The following CPQ variants were observed in gnomAD, a reference collection of about 807,000 sequenced individuals.
CPQ encodes carboxypeptidase Q, also known as Ser-Met dipeptidase.
In CPQ, 37 loss-of-function variants were observed where a neutral mutation model predicts 45.7. The observed-to-expected ratio is 0.81, with a 90% CI of 0.62 to 1.07. The LOEUF (loss-of-function observed/expected upper bound fraction) is 1.07. Among genes scored for constraint, CPQ ranks in the 50% least tolerant of loss-of-function variants. The probability of loss-of-function intolerance (pLI) is 0.00; values close to 1 mark genes in which losing one functional copy is unlikely to be tolerated. For missense variants in CPQ, 537 were observed against 572.9 expected (o/e 0.94, Z 0.64); for synonymous variants, 186 against 205.8 (o/e 0.90, Z 0.82).
intron 7 of CPQ, among the ~76,000 whole-genome samples, chr8:97,099,935 A>G (rs1811275049): frequency 6.6e-6 from 1 of 152,210 alleles, no homozygotes; most frequent in Non-Finnish European, 1.5e-5. Flanking sequence ...AAGTGTGTTT[A>G]CTTGTCTAGT....
chr8:96,787,518 A>T (rs977385656), intron 2 of CPQ, among the ~76,000 whole-genome samples: 2 of 33,642 alleles, frequency 5.9e-5, no homozygotes, highest in Non-Finnish European at 7.0e-5. Context: ...TCATTTTCTT[A>T]TAATGTCTTT....
intron 4 of CPQ, among the ~76,000 whole-genome samples, chr8:96,960,920 C>T (rs887255799): frequency 6.6e-6 from 1 of 151,890 alleles, no homozygotes; most frequent in African/African-American, 2.4e-5. Context: ...TGTAATAGTC[C>T]ATTGTATGAC....
At position 96,679,764 on chromosome 8, in the gene CPQ, CT is replaced by C. The variant is rs545204090; in HGVS notation, c.-35+34373del. On this transcript the variant is annotated intron_variant, in intron 1 of 7. Transcript: ENST00000220763. ...TCTGTGGTACCAGTTGCAATGTCTCCTTTTTTTTTTTGTTTCTGATTTTATT... is the reference window on the plus strand; with the variant it reads ...TCTGTGGTACCAGTTGCAATGTCTCCTTTTTTTTTTGTTTCTGATTTTATT... 1.1e-3 allele frequency among the ~76,000 whole-genome samples: 151 copies of C among 142,964 alleles called. 1 individual carries two copies. Among genetic ancestry groups the C allele is most frequent in the Middle Eastern group, 3.6e-3 (1 of 280 alleles). 93.8% of individuals were successfully genotyped at this position (142,964 alleles called of 152,430 possible). A position where few individuals can be genotyped will look rare whatever the true frequency, so the allele number is the denominator to read the frequency against.
At chr8:96,683,514 A>G (rs896958604) in intron 1 of CPQ, among the ~76,000 whole-genome samples, 3 of 151,576 alleles carry the variant, frequency 2.0e-5, no homozygotes, top group Non-Finnish European at 2.9e-5. Context: ...ACCTTTTTGG[A>G]TTATGTCTAT....
intron 2 of CPQ, among the ~76,000 whole-genome samples, chr8:96,803,543 A>C (rs1811035348): frequency 6.6e-6 from 1 of 152,198 alleles, no homozygotes; most frequent in South Asian, 2.1e-4. Flanking sequence ...GAGAAAAAGA[A>C]GAGGGTTGTG....
chr8:96,661,838 T>A (rs773198698), intron 1 of CPQ, among the ~76,000 whole-genome samples: 2 of 152,234 alleles, frequency 1.3e-5, no homozygotes, highest in African/African-American at 4.8e-5. Context: ...GTTAAGAGTA[T>A]GTTTAGTTTT....
At chr8:96,812,954 C>T (rs1042825764) in intron 2 of CPQ, among the ~76,000 whole-genome samples, 1 of 151,618 alleles carries the variant, frequency 6.6e-6, no homozygotes, top group African/African-American at 2.4e-5. Context: ...TGGGTCCTCA[C>T]TCAAATACAG....
At chr8:96,995,036 G>T (rs1185458899) in intron 5 of CPQ, among the ~76,000 whole-genome samples, 1 of 151,934 alleles carries the variant, frequency 6.6e-6, no homozygotes, top group East Asian at 1.9e-4. Context: ...AGAGGTTGAA[G>T]AACTAAATCA....
At chr8:96,980,968 A>G (rs1246938304) in intron 5 of CPQ, among the ~76,000 whole-genome samples, 2 of 152,206 alleles carry the variant, frequency 1.3e-5, no homozygotes, top group Non-Finnish European at 2.9e-5. Context: ...TAACCTAAAT[A>G]ACAGTGTGTA....
intron 7 of CPQ, among the ~76,000 whole-genome samples, chr8:97,102,206 C>G (rs1258007646): frequency 6.6e-6 from 1 of 152,088 alleles, no homozygotes; most frequent in African/African-American, 2.4e-5. Flanking sequence ...GTATTTCTTC[C>G]TGGGTTTGCA....
chr8:96,774,796 A>G (rs1810586209), intron 1 of CPQ, among the ~76,000 whole-genome samples: 1 of 152,212 alleles, frequency 6.6e-6, no homozygotes, highest in Admixed American at 6.5e-5. Flanking sequence ...TAAACACAGC[A>G]TAGTCATAGG....
chr8:96,929,157 G>C (rs1286796241), intron 4 of CPQ, among the ~76,000 whole-genome samples: 2 of 152,138 alleles, frequency 1.3e-5, no homozygotes, highest in African/African-American at 4.8e-5. Flanking sequence ...TAAAATTCCA[G>C]GTGCTTTATT....
chr8:97,131,707 T>C (rs1027416491), intron 7 of CPQ, among the ~76,000 whole-genome samples: 1 of 152,208 alleles, frequency 6.6e-6, no homozygotes, highest in African/African-American at 2.4e-5. Flanking sequence ...TTATTTCTCA[T>C]TATAGCTTAA....
In CPQ at chr8:96,769,750, G is replaced by T. The variant is rs191129460; in HGVS notation, c.-34-15114G>T. ...GGGCTCAAACAATTCTCACACCTCA[G>T]CCTCCAGAGTAGTGGGGACTACAGA... On this transcript the variant is annotated intron_variant, in intron 1 of 7. Transcript: ENST00000220763. Among the ~76,000 whole-genome samples the T allele has an allele frequency of 2.3e-4, 35 of 150,454 alleles. No homozygotes were observed. In the East Asian group the frequency reaches 6.8e-3, roughly 29 times the overall value.
chr8:96,717,439 G>A (rs929402274), intron 1 of CPQ, among the ~76,000 whole-genome samples: 2 of 151,912 alleles, frequency 1.3e-5, no homozygotes, highest in East Asian at 2.0e-4. Context: ...TACCAGTACC[G>A]TGCTGTTTTG....
In CPQ at chr8:97,097,621, A is replaced by G. The variant is rs577819468; in HGVS notation, c.1255+31411A>G. Among the ~76,000 whole-genome samples, 5 of 152,254 alleles carry G rather than the reference A, an allele frequency of 3.3e-5. No homozygotes were observed. The South Asian group carries it at 1.0e-3, about 32-fold the overall frequency. ...ATCTCAGTGGCTTAACAAAACAAAC[A>G]TTTAGTTCTTGCTCATGTTATAGGC... On this transcript the variant is annotated intron_variant, in intron 7 of 7. Transcript: ENST00000220763.
intron 4 of CPQ, among the ~76,000 whole-genome samples, chr8:96,953,347 G>A (rs934628825): frequency 3.3e-5 from 5 of 152,078 alleles, no homozygotes; most frequent in African/African-American, 1.2e-4. Flanking sequence ...ATCCTCTGGG[G>A]AGTACTGTTC....
intron 6 of CPQ, among the ~76,000 whole-genome samples, chr8:97,061,766 G>C (rs1469606475): frequency 6.6e-6 from 1 of 152,136 alleles, no homozygotes; most frequent in Non-Finnish European, 1.5e-5. Context: ...AATCTGAGAA[G>C]TGTTGATGCT....
intron 6 of CPQ, among the ~76,000 whole-genome samples, chr8:97,031,049 C>T (rs1039584364): frequency 6.6e-6 from 1 of 151,974 alleles, no homozygotes; most frequent in East Asian, 1.9e-4. Context: ...AGAGCCTGAA[C>T]AAGAAGAACA....
Sources: allele counts gnomAD v4.1 joint callset (sites outside exome capture counted in the v4.1 genomes callset), GRCh38; gene constraint gnomAD v4.1.1; transcripts MANE v1.5; gene names NCBI Gene and HGNC (gene_info 2026-07-23, HGNC 2026-07-21).